Variants in PLSCR4 observed in about 807,000 individuals in gnomAD.
PLSCR4 encodes phospholipid scramblase 4.
In PLSCR4, 25 loss-of-function variants were observed where a neutral mutation model predicts 36.3. The ratio of observed to expected loss-of-function variants is 0.69; its 90% CI spans 0.50 to 0.96. The LOEUF is 0.96. Among genes scored for constraint, PLSCR4 ranks in the 40% least tolerant of loss-of-function variants. PLSCR4 has a pLI of 0.00. For synonymous variants in PLSCR4, 122 were observed against 132.9 expected (o/e 0.92, Z 0.56); for missense variants, 408 against 414.7 (o/e 0.98, Z 0.14).
At chr3:146,248,489 G>C (rs201672644) in intron 1 of PLSCR4, among the ~76,000 whole-genome samples, 539 of 149,462 alleles carry the variant, frequency 3.6e-3, no homozygotes, top group African/African-American at 0.012. Context: ...CACACACACA[G>C]ACACACACAC....
chr3:146,229,620 T>C (rs1295085865), intron 1 of PLSCR4, among the ~76,000 whole-genome samples: 2 of 133,516 alleles, frequency 1.5e-5, no homozygotes, highest in African/African-American at 5.2e-5. Context: ...TTTATTTATT[T>C]ATTTATTTAT....
intron 1 of PLSCR4, among the ~76,000 whole-genome samples, chr3:146,227,481 C>T (rs191414339): frequency 6.6e-6 from 1 of 152,304 alleles, no homozygotes; most frequent in Admixed American, 6.5e-5. Flanking sequence ...CCAACAAGCG[C>T]AGCTGTGTTA....
intron 1 of PLSCR4, among the ~76,000 whole-genome samples, chr3:146,241,819 C>T (rs1368520807): frequency 1.3e-5 from 2 of 152,104 alleles, no homozygotes; most frequent in African/African-American, 4.8e-5. Flanking sequence ...GCTTGTTCTC[C>T]GACCATAATG....
At position 146,225,053 on chromosome 3, in the gene PLSCR4, T is replaced by G. The variant is rs368427294; in HGVS notation, c.-21-2961A>C. 5.7e-4 allele frequency among the ~76,000 whole-genome samples: 82 copies of G among 143,268 alleles called. 5 individuals are homozygous for G. In the South Asian group the frequency reaches 9.1e-3, roughly 16 times the overall value. 94.0% of individuals were successfully genotyped at this position (143,268 alleles called of 152,430 possible). ...CCTTGAGCTAAATACAGAGTGCCAA[T>G]TGGTGTATTTACAATCCCTGAGATA... On this transcript the variant is annotated intron_variant, in intron 1 of 8. Transcript: ENST00000354952.
In PLSCR4 at chr3:146,222,035, G is replaced by A. The variant is rs1007713005; in HGVS notation, c.7+30C>T. 5.0e-6 allele frequency: 6 copies of A among 1,191,740 alleles called. No individual in the cohort carries two copies. In the Admixed American group the frequency reaches 1.1e-4, roughly 21 times the overall value. 73.8% of individuals were successfully genotyped at this position (1,191,740 alleles called of 1,614,324 possible). ...CACAAAATTCACATTTGAAAATAAA[G>A]CATATTCAAATTTATTCACAAAAAC... On this transcript the variant is annotated intron_variant, in intron 2 of 8. Transcript: ENST00000354952.
At chr3:146,217,824 G>A (rs1260235691) in intron 3 of PLSCR4, among the ~76,000 whole-genome samples, 1 of 152,112 alleles carries the variant, frequency 6.6e-6, no homozygotes, top group Admixed American at 6.5e-5. Flanking sequence ...GTCTATAGGT[G>A]GTTGGAAGTG....
intron 1 of PLSCR4, among the ~76,000 whole-genome samples, chr3:146,240,396 G>A (rs967911812): frequency 6.6e-6 from 1 of 152,178 alleles, no homozygotes; most frequent in Admixed American, 6.5e-5. Flanking sequence ...GATTCCTTAA[G>A]GTTAGGAGTT....
At chr3:146,220,438 G>A (rs1343253764) in intron 3 of PLSCR4, among the ~76,000 whole-genome samples, 1 of 152,130 alleles carries the variant, frequency 6.6e-6, no homozygotes, top group Admixed American at 6.6e-5. Flanking sequence ...GCTAAGGATA[G>A]TCCTTTCCCC....
chr3:146,231,583 G>A (rs968510302), intron 1 of PLSCR4, among the ~76,000 whole-genome samples: 3 of 152,108 alleles, frequency 2.0e-5, no homozygotes, highest in African/African-American at 7.2e-5. Flanking sequence ...TATCATTGTG[G>A]TTTTGATATG....
Position 146,199,809 on chromosome 3 carries a change from T to C in PLSCR4, c.624+4A>G. On this transcript the variant is annotated splice_donor_region_variant and intron_variant, in intron 6 of 8. Coordinates refer to ENST00000354952, the MANE Select transcript of PLSCR4 (RefSeq NM_020353.3). ...AGCTGTGGATCAGACTTCCATTCTC[T>C]GACCTCTTGTCTGGCAGAGGGGCAA... The C allele has an allele frequency of 4.4e-6, 7 of 1,608,580 alleles. No individual in the cohort carries two copies. Among genetic ancestry groups the C allele is most frequent in the Non-Finnish European group, 6.0e-6 (7 of 1,175,596 alleles).
At chr3:146,199,733 C>T (rs2033942691) in intron 6 of PLSCR4, 80 bp downstream of exon 6, 4 of 1,153,274 alleles carry the variant, frequency 3.5e-6, no homozygotes. Flanking sequence ...GAATATCCTC[C>T]CTATGTAGTG....
At chr3:146,207,703 G>A (rs1488071856) in intron 3 of PLSCR4, among the ~76,000 whole-genome samples, 1 of 151,958 alleles carries the variant, frequency 6.6e-6, no homozygotes, top group Non-Finnish European at 1.5e-5. Context: ...GAATTTGGGA[G>A]GGATATAAAC....
rs563352155 is a variant in PLSCR4 at position 146,193,303 on chromosome 3, G to C, written c.*1108C>G. 3 of 152,054 alleles carry C rather than the reference G, an allele frequency of 2.0e-5. No individual in the cohort carries two copies. The highest frequency in any genetic ancestry group is 7.2e-5 in the African/African-American group (3 of 41,398). 9.4% of individuals were successfully genotyped at this position (152,054 alleles called of 1,614,324 possible). On this transcript the variant is annotated 3_prime_UTR_variant, in exon 9 of 9. Coordinates refer to ENST00000354952, the MANE Select transcript of PLSCR4 (RefSeq NM_020353.3). Reference sequence around the variant, plus strand: ...TTATCTATCATGTCAATAAAAAGAAGCAAAGCAGTATTAAGCAGCGGTGGA... The same window carrying C: ...TTATCTATCATGTCAATAAAAAGAACCAAAGCAGTATTAAGCAGCGGTGGA...
In PLSCR4 at chr3:146,220,928, TCAGGGG is replaced by T; in HGVS notation, c.8-9_8-4del. The T allele has an allele frequency of 6.3e-6, 10 of 1,576,374 alleles. No individual in the cohort carries two copies. The highest frequency in any genetic ancestry group is 8.7e-6 in the Non-Finnish European group (10 of 1,148,876). ...TTCAGGGGCTGTGGGTACCACACCT[TCAGGGG>T]AAGACAGGGAACATGACTTACAAAG... On this transcript the variant is annotated splice_region_variant and splice_polypyrimidine_tract_variant and intron_variant, in intron 2 of 8. Coordinates refer to ENST00000354952, the MANE Select transcript of PLSCR4 (RefSeq NM_020353.3).
intron 1 of PLSCR4, among the ~76,000 whole-genome samples, chr3:146,246,929 T>C (rs1485657852): frequency 1.3e-5 from 2 of 152,214 alleles, no homozygotes; most frequent in Non-Finnish European, 2.9e-5. Flanking sequence ...ATTTCCCATT[T>C]GAAAAGGCAA....
At chr3:146,225,335 T>G (rs569857221) in intron 1 of PLSCR4, among the ~76,000 whole-genome samples, 1 of 152,196 alleles carries the variant, frequency 6.6e-6, no homozygotes, top group Non-Finnish European at 1.5e-5. Context: ...GACTCTCCAC[T>G]TCCCCACCAG....
At chr3:146,247,380 TAGTC>T (rs1422671773) in intron 1 of PLSCR4, among the ~76,000 whole-genome samples, 3 of 144,138 alleles carry the variant, frequency 2.1e-5, no homozygotes. Context: ...ATTTTTGTAG[TAGTC>T]AATCTGATAT....
intron 1 of PLSCR4, among the ~76,000 whole-genome samples, chr3:146,239,647 G>A (rs2036064789): frequency 1.3e-5 from 2 of 152,158 alleles, no homozygotes; most frequent in Admixed American, 1.3e-4. Context: ...ACTTTGGGAG[G>A]CCAAGGCAGG....
chr3:146,226,466 T>G (rs2035484571), intron 1 of PLSCR4, among the ~76,000 whole-genome samples: 1 of 152,204 alleles, frequency 6.6e-6, no homozygotes, highest in African/African-American at 2.4e-5. Context: ...AATTATTATA[T>G]CTATGTGTCT....
Sources: gnomAD v4.1 joint callset for allele counts (sites outside exome capture counted in the v4.1 genomes callset) on GRCh38, gnomAD v4.1.1 for gene constraint, MANE v1.5 for transcripts, NCBI Gene and HGNC (gene_info 2026-07-23, HGNC 2026-07-21) for gene names.